Variants in RPTOR observed in about 807,000 individuals in gnomAD.
The protein encoded by RPTOR is regulatory-associated protein of mTOR.
Under a neutral mutation model 169.9 loss-of-function variants are expected in RPTOR, and 21 were observed. That is an observed-to-expected ratio of 0.12 (90% CI 0.09 to 0.18). The LOEUF (loss-of-function observed/expected upper bound fraction) is 0.18. Ranked by LOEUF, RPTOR falls within the 10% of genes least tolerant of loss-of-function variation. The probability of loss-of-function intolerance (pLI) is 1.00; values close to 1 mark genes in which losing one functional copy is unlikely to be tolerated. For synonymous variants in RPTOR, 732 were observed against 753.2 expected (o/e 0.97, Z 0.46); for missense variants, 1,133 against 1,855.9 (o/e 0.61, Z 7.16).
At chr17:80,631,370 T>A (rs549659520) in intron 2 of RPTOR, among the ~76,000 whole-genome samples, 1 of 152,102 alleles carries the variant, frequency 6.6e-6, no homozygotes, top group Admixed American at 6.5e-5. Flanking sequence ...TGCAGGAGAG[T>A]GTGAGTGCCC....
rs557104560 is a variant in RPTOR, at chr17:80,826,781, G to A, written c.1136+3558G>A. On this transcript the variant is annotated intron_variant, in intron 9 of 33. Coordinates refer to ENST00000306801, the MANE Select transcript of RPTOR (RefSeq NM_020761.3). ...CAGGGTGGGCCCCCGTGCCGTCACCGCTGGCCACTGGGCACACCTGTGGGC... is the reference window on the plus strand; with the variant it reads ...CAGGGTGGGCCCCCGTGCCGTCACCACTGGCCACTGGGCACACCTGTGGGC... Among the ~76,000 whole-genome samples, 11 of 152,356 alleles carry A rather than the reference G, an allele frequency of 7.2e-5. No homozygotes were observed. The East Asian group carries it at 1.4e-3, about 19-fold the overall frequency.
At chr17:80,566,149 A>G (rs1026586733) in intron 1 of RPTOR, among the ~76,000 whole-genome samples, 10 of 152,178 alleles carry the variant, frequency 6.6e-5, no homozygotes, top group African/African-American at 1.9e-4. Flanking sequence ...GTTTTCATCA[A>G]TCAAGTGGGT....
chr17:80,946,805 T>C (rs1400216882), intron 26 of RPTOR, among the ~76,000 whole-genome samples: 2 of 152,228 alleles, frequency 1.3e-5, no homozygotes, highest in Non-Finnish European at 2.9e-5. Flanking sequence ...TCTGTTCAAG[T>C]TCCTGCTTTC....
At chr17:80,787,382 T>A (rs1199502966) in intron 6 of RPTOR, among the ~76,000 whole-genome samples, 1 of 152,248 alleles carries the variant, frequency 6.6e-6, no homozygotes, top group Non-Finnish European at 1.5e-5. Flanking sequence ...TACTCCTTAA[T>A]GGACACTTGA....
chr17:80,901,125 G>A (rs949870566), intron 20 of RPTOR, among the ~76,000 whole-genome samples: 1 of 152,218 alleles, frequency 6.6e-6, no homozygotes, highest in African/African-American at 2.4e-5. Flanking sequence ...CCCAACTCCT[G>A]TGTGAAACTT....
At chr17:80,889,443 C>G (rs1392289643) in intron 17 of RPTOR, among the ~76,000 whole-genome samples, 1 of 152,212 alleles carries the variant, frequency 6.6e-6, no homozygotes, top group African/African-American at 2.4e-5. Context: ...AGCGACCGGT[C>G]AGAGGACCTG....
chr17:80,846,122 GC>G (rs2067726972), intron 10 of RPTOR, among the ~76,000 whole-genome samples: 1 of 152,162 alleles, frequency 6.6e-6, no homozygotes, highest in African/African-American at 2.4e-5. Flanking sequence ...GGGGTCCCCT[GC>G]CCCCGGCATC....
chr17:80,862,886 C>T (rs1329155089), intron 13 of RPTOR, among the ~76,000 whole-genome samples: 1 of 152,218 alleles, frequency 6.6e-6, no homozygotes, highest in Non-Finnish European at 1.5e-5. Flanking sequence ...CAGCCACTCC[C>T]CCAGTGTTCT....
At chr17:80,634,582 T>TGCGTACTGTGTGTGC (rs2065481743) in intron 2 of RPTOR, among the ~76,000 whole-genome samples, 1 of 69,726 alleles carries the variant, frequency 1.4e-5, no homozygotes, top group African/African-American at 6.3e-5. Flanking sequence ...TGTGTGTGTG[T>TGCGTACTGTGTGTGC]GCGTACTGTG....
At position 80,820,689 on chromosome 17, in the gene RPTOR, G is replaced by T. The variant is rs1231476502; in HGVS notation, c.891-1512G>T. 6.6e-6 allele frequency among the ~76,000 whole-genome samples: 1 copy of T among 152,232 alleles called. No homozygotes were observed. Among genetic ancestry groups the T allele is most frequent in the African/African-American group, 2.4e-5 (1 of 41,468 alleles). ...CCTCCTGCGCACAGTGGACATGCTT[G>T]TTCTGAAGCGAGAGCAGACTGGGGA... On this transcript the variant is annotated intron_variant, in intron 7 of 33. Coordinates refer to ENST00000306801, the MANE Select transcript of RPTOR (RefSeq NM_020761.3). The surrounding 1 kb of genome is among the most constrained non-coding windows in gnomAD (Gnocchi z 4.1).
At chr17:80,930,234 C>G (rs200674476) in intron 24 of RPTOR, among the ~76,000 whole-genome samples, 137 of 50,310 alleles carry the variant, frequency 2.7e-3, no homozygotes, top group African/African-American at 3.6e-3. Flanking sequence ...TCATCCCCAG[C>G]TCATCCTCAG....
At chr17:80,626,813 T>TTATTA (rs1293186070) in intron 2 of RPTOR, among the ~76,000 whole-genome samples, 1 of 114,960 alleles carries the variant, frequency 8.7e-6, no homozygotes, top group Non-Finnish European at 1.9e-5. Flanking sequence ...TATTATTATT[T>TTATTA]TTCATTCTAG....
chr17:80,963,364 C>T (rs2069372701), intron 33 of RPTOR, among the ~76,000 whole-genome samples: 1 of 151,974 alleles, frequency 6.6e-6, no homozygotes, highest in Non-Finnish European at 1.5e-5. Flanking sequence ...GAGAGTCGCT[C>T]GGGGTGTCCA....
At chr17:80,807,146 T>G (rs1319100228) in intron 7 of RPTOR, among the ~76,000 whole-genome samples, 1 of 152,268 alleles carries the variant, frequency 6.6e-6, no homozygotes, top group Non-Finnish European at 1.5e-5. Flanking sequence ...CATATGTATA[T>G]AAGGTAGATC....
intron 24 of RPTOR, among the ~76,000 whole-genome samples, chr17:80,937,766 G>T (rs548728780): frequency 5.9e-5 from 9 of 152,226 alleles, no homozygotes; most frequent in Non-Finnish European, 1.3e-4. Flanking sequence ...TGCTGCCTCC[G>T]TGCTGAGCGG....
At chr17:80,560,075 T>C (rs1281150672) in intron 1 of RPTOR, among the ~76,000 whole-genome samples, 2 of 152,192 alleles carry the variant, frequency 1.3e-5, no homozygotes, top group African/African-American at 4.8e-5. Flanking sequence ...TTACATCTTA[T>C]AAGAGAAAAA....
intron 6 of RPTOR, among the ~76,000 whole-genome samples, chr17:80,781,549 T>C (rs2066942369): frequency 6.6e-6 from 1 of 152,360 alleles, no homozygotes; most frequent in Admixed American, 6.5e-5. Context: ...CTTGTGGATA[T>C]TTTTAAGAGT....
At position 80,947,409 on chromosome 17, in the gene RPTOR, G is replaced by A; in HGVS notation, c.3265+58G>A. 6.8e-7 allele frequency: 1 copy of A among 1,479,776 alleles called. No homozygotes were observed. 91.7% of individuals were successfully genotyped at this position (1,479,776 alleles called of 1,614,324 possible). A position where few individuals can be genotyped will look rare whatever the true frequency, so the allele number is the denominator to read the frequency against. ...CCAGGGTCTGGAGGAGTGGCGGGGA[G>A]GGTGTGTGATCCTGAGATGTGTTTG... On this transcript the variant is annotated intron_variant, in intron 27 of 33. Coordinates refer to ENST00000306801, the MANE Select transcript of RPTOR (RefSeq NM_020761.3). This position sits in a 1 kb window ranked among gnomAD's most constrained non-coding sequence, Gnocchi z 4.4.
intron 28 of RPTOR, among the ~76,000 whole-genome samples, chr17:80,956,712 G>A (rs557232656): frequency 1.3e-5 from 2 of 152,358 alleles, no homozygotes; most frequent in East Asian, 1.9e-4. Context: ...TTAGACAGAC[G>A]TTGCTGGAAG....
Sources: gnomAD v4.1 joint callset for allele counts (sites outside exome capture counted in the v4.1 genomes callset) on GRCh38, gnomAD v4.1.1 for gene constraint, Gnocchi (gnomAD v3.1) non-coding constraint, MANE v1.5 for transcripts, NCBI Gene and HGNC (gene_info 2026-07-23, HGNC 2026-07-21) for gene names.